The following SRGAP3 variants were observed in gnomAD, a reference collection of about 807,000 sequenced individuals.
The protein encoded by SRGAP3 is SLIT-ROBO Rho GTPase-activating protein 3.
In SRGAP3, 39 loss-of-function variants were observed where a neutral mutation model predicts 121.1. The ratio of observed to expected loss-of-function variants is 0.32; its 90% CI spans 0.25 to 0.42. The LOEUF is 0.42. Ranked by LOEUF, SRGAP3 falls within the 10% of genes least tolerant of loss-of-function variation. The pLI, the probability that SRGAP3 is intolerant of heterozygous loss-of-function variation, is 1.00. For synonymous variants in SRGAP3, 601 were observed against 570.0 expected (o/e 1.05, Z -0.77); for missense variants, 1,213 against 1,470.6 (o/e 0.82, Z 2.86).
chr3:9,259,603 C>T (rs372922306), intron 3 of SRGAP3, among the ~76,000 whole-genome samples: 12 of 152,322 alleles, frequency 7.9e-5, no homozygotes, highest in Admixed American at 5.9e-4. Context: ...CCACTGCACC[C>T]AGCTACATAT....
Position 9,064,459 on chromosome 3 carries a change from G to A in SRGAP3, c.609C>T (p.Leu203=), listed in dbSNP as rs916860965. The change falls in exon 5 of 22, where the codon CTC becomes CTT. Residue 203 remains leucine (L), a synonymous_variant. Transcript: ENST00000383836. ...NKSGDLSMNL[L]RHEDRPQRRS... Reference sequence around the variant, plus strand: ...GGCGCTGGGGCCGGTCCTCGTGCCGGAGCAGGTTCATGCTGAGGTCTCCTG... The same window carrying A: ...GGCGCTGGGGCCGGTCCTCGTGCCGAAGCAGGTTCATGCTGAGGTCTCCTG... 1.2e-6 allele frequency: 2 copies of A among 1,614,096 alleles called. No homozygotes were observed. The highest frequency in any genetic ancestry group is 1.7e-5 in the Admixed American group (1 of 60,018).
intron 1 of SRGAP3, among the ~76,000 whole-genome samples, chr3:9,337,032 A>G (rs1559282780): frequency 6.6e-6 from 1 of 151,984 alleles, no homozygotes; most frequent in African/African-American, 2.4e-5. Flanking sequence ...CTGGCTGACA[A>G]TTTCTAAGAT....
At chr3:9,358,994 T>G (rs2125298133) in intron 1 of SRGAP3, among the ~76,000 whole-genome samples, 1 of 152,188 alleles carries the variant, frequency 6.6e-6, no homozygotes, top group East Asian at 1.9e-4. Flanking sequence ...TTGCCCAATA[T>G]CCCAATGGGG....
intron 1 of SRGAP3, among the ~76,000 whole-genome samples, chr3:9,213,889 G>T (rs918218510): frequency 8.5e-5 from 13 of 152,094 alleles, no homozygotes; most frequent in African/African-American, 2.7e-4. Context: ...TGCACTTGCT[G>T]CTTCCCAGGC....
chr3:9,131,456 T>TC (rs1222254637), intron 1 of SRGAP3, among the ~76,000 whole-genome samples: 1 of 147,382 alleles, frequency 6.8e-6, no homozygotes, highest in Non-Finnish European at 1.5e-5. Flanking sequence ...TTTTTTTTTT[T>TC]GAGATGGAGT....
intron 2 of SRGAP3, among the ~76,000 whole-genome samples, chr3:9,119,518 C>T (rs1948927093): frequency 6.6e-6 from 1 of 152,256 alleles, no homozygotes; most frequent in Non-Finnish European, 1.5e-5. Flanking sequence ...CACGCTTCCT[C>T]CAGACACCTT....
At chr3:9,035,340 C>T (rs1248387445) in intron 11 of SRGAP3, 1 of 164,600 alleles carries the variant, frequency 6.1e-6, no homozygotes, top group East Asian at 1.3e-4. Flanking sequence ...GGGGAAATAG[C>T]ATATGTTTTC....
chr3:9,012,268 C>CA (rs1574904942), intron 17 of SRGAP3, among the ~76,000 whole-genome samples: 1 of 152,154 alleles, frequency 6.6e-6, no homozygotes, highest in Non-Finnish European at 1.5e-5. Flanking sequence ...CTTTGACAAT[C>CA]AAAAAACAAA....
At chr3:9,339,190 C>A (rs1367832185) in intron 1 of SRGAP3, among the ~76,000 whole-genome samples, 1 of 152,144 alleles carries the variant, frequency 6.6e-6, no homozygotes, top group Non-Finnish European at 1.5e-5. Flanking sequence ...CCTTGGTTTT[C>A]TCACCTACAA....
At chr3:9,254,726 G>T (rs1038861185) in intron 3 of SRGAP3, among the ~76,000 whole-genome samples, 1 of 151,970 alleles carries the variant, frequency 6.6e-6, no homozygotes, top group Non-Finnish European at 1.5e-5. Flanking sequence ...CACCCAAGAG[G>T]TGGAGGGTGC....
intron 1 of SRGAP3, among the ~76,000 whole-genome samples, chr3:9,358,062 A>T (rs932517055): frequency 3.3e-5 from 5 of 152,070 alleles, no homozygotes; most frequent in African/African-American, 1.2e-4. Flanking sequence ...TTTAGTAGAG[A>T]CGGGCTTTCA....
intron 3 of SRGAP3, among the ~76,000 whole-genome samples, chr3:9,089,534 AGGCC>A (rs1947654895): frequency 1.3e-5 from 2 of 152,178 alleles, no homozygotes; most frequent in Non-Finnish European, 2.9e-5. Context: ...AGTACAAAGG[AGGCC>A]CTGCCCTCCA....
chr3:9,308,892 G>A (rs937023040), intron 3 of SRGAP3, among the ~76,000 whole-genome samples: 2 of 152,068 alleles, frequency 1.3e-5, no homozygotes, highest in African/African-American at 4.8e-5. Context: ...TCTTTCAATG[G>A]GTTTAGAAAC....
intron 1 of SRGAP3, among the ~76,000 whole-genome samples, chr3:9,242,077 CAAAAAAAAAAA>C (rs142186507): frequency 4.4e-5 from 3 of 68,514 alleles, no homozygotes; most frequent in African/African-American, 1.5e-4. Flanking sequence ...CACCCTAATT[CAAAAAAAAAAA>C]AAAAAAAAAA....
chr3:9,206,882 T>C (rs1952284427), intron 1 of SRGAP3, among the ~76,000 whole-genome samples: 1 of 152,094 alleles, frequency 6.6e-6, no homozygotes, highest in African/African-American at 2.4e-5. Context: ...ACAGTCTGCC[T>C]CCCGCTCCTG....
At chr3:9,253,687 A>G (rs1954065052), upstream of SRGAP3, among the ~76,000 whole-genome samples, 1 of 152,196 alleles carries the variant, frequency 6.6e-6, no homozygotes. Flanking sequence ...TGCAAAATGA[A>G]AGCAACAAGC....
At chr3:9,327,850 C>T (rs920885931) in intron 2 of SRGAP3, among the ~76,000 whole-genome samples, 1 of 151,998 alleles carries the variant, frequency 6.6e-6, no homozygotes, top group Non-Finnish European at 1.5e-5. Flanking sequence ...CTGACTTGCC[C>T]TAAATTCAAA....
At chr3:9,189,245 G>A (rs1951684894) in intron 1 of SRGAP3, among the ~76,000 whole-genome samples, 1 of 152,212 alleles carries the variant, frequency 6.6e-6, no homozygotes, top group Non-Finnish European at 1.5e-5. Flanking sequence ...CCGGGGATGA[G>A]ATGTGTTCAG....
At chr3:9,238,648 A>C (rs1317006400) in intron 1 of SRGAP3, among the ~76,000 whole-genome samples, 1 of 152,200 alleles carries the variant, frequency 6.6e-6, no homozygotes, top group Admixed American at 6.5e-5. Flanking sequence ...ATGATGAGGC[A>C]ACCACCAAAC....
Sources: gnomAD v4.1 joint callset for allele counts (sites outside exome capture counted in the v4.1 genomes callset) on GRCh38, gnomAD v4.1.1 for gene constraint, MANE v1.5 for transcripts, NCBI Gene and HGNC (gene_info 2026-07-23, HGNC 2026-07-21) for gene names.